The following DYSF variants were observed in gnomAD, a reference collection of about 807,000 sequenced individuals.
The protein encoded by DYSF is dysferlin.
In DYSF, 212 loss-of-function variants were observed where a neutral mutation model predicts 274.9. The observed-to-expected ratio is 0.77, with a 90% CI of 0.69 to 0.86. DYSF has a LOEUF of 0.86. DYSF is among the 40% of genes least tolerant of loss of function. The probability of loss-of-function intolerance (pLI) is 0.00; values close to 1 mark genes in which losing one functional copy is unlikely to be tolerated. For missense variants in DYSF, 2,666 were observed against 2,783.2 expected (o/e 0.96, Z 0.95); for synonymous variants, 1,091 against 1,078.7 (o/e 1.01, Z -0.22).
At chr2:71,628,930 C>G (rs886506534) in intron 41 of DYSF, among the ~76,000 whole-genome samples, 3 of 151,366 alleles carry the variant, frequency 2.0e-5, no homozygotes, top group Non-Finnish European at 4.4e-5. Context: ...CTAGCCTGGC[C>G]CACAGAGTGA....
chr2:71,547,796 T>A (rs1445254865), intron 17 of DYSF, among the ~76,000 whole-genome samples: 1 of 152,048 alleles, frequency 6.6e-6, no homozygotes, highest in Non-Finnish European at 1.5e-5. Context: ...CATCTGCATC[T>A]GGGCTGGACA....
At chr2:71,463,003 C>T (rs372334251), upstream of DYSF, among the ~76,000 whole-genome samples, 42 of 152,332 alleles carry the variant, frequency 2.8e-4, no homozygotes, top group South Asian at 8.3e-3. Context: ...CCCCAGGCTT[C>T]AGGCCATCCC....
chr2:71,659,605 T>C (rs2094840139), intron 44 of DYSF, among the ~76,000 whole-genome samples: 1 of 152,266 alleles, frequency 6.6e-6, no homozygotes, highest in African/African-American at 2.4e-5. Context: ...ACACTGATTT[T>C]AATTTTTAAA....
intron 42 of DYSF, among the ~76,000 whole-genome samples, chr2:71,653,284 A>G (rs1329351631): frequency 6.6e-6 from 1 of 152,188 alleles, no homozygotes; most frequent in Non-Finnish European, 1.5e-5. Flanking sequence ...TAGAAATACC[A>G]TTTGACCCAG....
At chr2:71,605,467 G>C (rs2093629256) in intron 36 of DYSF, among the ~76,000 whole-genome samples, 1 of 152,130 alleles carries the variant, frequency 6.6e-6, no homozygotes, top group African/African-American at 2.4e-5. Flanking sequence ...GGGCCCCCTA[G>C]GATACAGAAC....
intron 18 of DYSF, among the ~76,000 whole-genome samples, 169 bp from the exon 19 acceptor site, chr2:71,551,438 C>A (rs981821843): frequency 1.3e-5 from 2 of 152,190 alleles, no homozygotes; most frequent in Admixed American, 6.5e-5. Context: ...CTTGTCATAT[C>A]CCCCGAACTC....
At chr2:71,506,895 C>T (rs1479799865) in intron 4 of DYSF, among the ~76,000 whole-genome samples, 1 of 152,110 alleles carries the variant, frequency 6.6e-6, no homozygotes, top group Admixed American at 6.5e-5. Flanking sequence ...CTCTGATGGG[C>T]AGCTAGAAGA....
In DYSF at chr2:71,520,167, A is replaced by G. The variant is rs975482363; in HGVS notation, c.1003-11A>G. 4 of 1,613,904 alleles carry G rather than the reference A, an allele frequency of 2.5e-6. No individual in the cohort carries two copies. The highest frequency in any genetic ancestry group is 2.7e-5 in the African/African-American group (2 of 74,886). ...AAGAGTTTGATTTGTGTCTCCTCTC[A>G]TTGATTGCAGATGGACGTGGGCACC... is the stretch of plus-strand genomic sequence containing the variant. On this transcript the variant is annotated splice_polypyrimidine_tract_variant and intron_variant, in intron 10 of 55. Coordinates refer to ENST00000410020, the MANE Select transcript of DYSF (RefSeq NM_001130987.2).
At chr2:71,636,344 C>T (rs775069812) in intron 41 of DYSF, among the ~76,000 whole-genome samples, 1 of 152,110 alleles carries the variant, frequency 6.6e-6, no homozygotes, top group Non-Finnish European at 1.5e-5. Flanking sequence ...GAAACTGCTG[C>T]AGTCATCCCA....
chr2:71,679,296 GTCAGAAAATACGTCA>G (rs1163943399), intron 53 of DYSF, 61 bp downstream of exon 53: 215 of 1,540,286 alleles, frequency 1.4e-4, no homozygotes, highest in African/African-American at 4.4e-4. Context: ...CATAGAAATT[GTCAGAAAATACGTCA>G]TCAGAAAATA....
intron 14 of DYSF, among the ~76,000 whole-genome samples, chr2:71,534,603 A>C (rs2089109735): frequency 6.6e-6 from 1 of 152,106 alleles, no homozygotes; most frequent in African/African-American, 2.4e-5. Flanking sequence ...GTCTTCCTAC[A>C]TGGTGGATGA....
At chr2:71,555,854 A>T (rs1328353932) in intron 21 of DYSF, 111 bp from the exon 22 acceptor site, 1 of 854,308 alleles carries the variant, frequency 1.2e-6, no homozygotes, top group Non-Finnish European at 1.9e-6. Flanking sequence ...CTTTGCTCTA[A>T]CTGTTCACTC....
chr2:71,561,629 G>T (rs1026068942), intron 22 of DYSF, 123 bp from the exon 23 acceptor site: 44 of 1,140,936 alleles, frequency 3.9e-5, no homozygotes, highest in Non-Finnish European at 5.6e-5. Context: ...GCGGGCTGGA[G>T]AAGGCACCCA....
chr2:71,637,178 G>T (rs1253284059), intron 41 of DYSF, among the ~76,000 whole-genome samples: 1 of 152,202 alleles, frequency 6.6e-6, no homozygotes, highest in East Asian at 1.9e-4. Flanking sequence ...GTGGGGCACT[G>T]GTGCCTATGT....
intron 1 of DYSF, among the ~76,000 whole-genome samples, chr2:71,468,767 C>T (rs2081736640): frequency 6.6e-6 from 1 of 152,198 alleles, no homozygotes; most frequent in Non-Finnish European, 1.5e-5. Flanking sequence ...AGCAGCAGCA[C>T]CTTGCTAGGG....
intron 41 of DYSF, among the ~76,000 whole-genome samples, chr2:71,637,294 C>T (rs953868907): frequency 6.6e-6 from 1 of 152,032 alleles, no homozygotes; most frequent in African/African-American, 2.4e-5. Context: ...GAGGATGAGC[C>T]CCAGGCATGA....
intron 10 of DYSF, 139 bp downstream of exon 10, chr2:71,517,178 GC>G (rs2086747769): frequency 1.2e-6 from 1 of 848,296 alleles, no homozygotes; most frequent in Non-Finnish European, 1.9e-6. Flanking sequence ...ACAACGCCAA[GC>G]CCTCTGCACA....
At chr2:71,582,668 C>A (rs901669529) in intron 30 of DYSF, among the ~76,000 whole-genome samples, 2 of 152,124 alleles carry the variant, frequency 1.3e-5, no homozygotes, top group African/African-American at 4.8e-5. Flanking sequence ...CAGAACAAAA[C>A]AAAACAAAAC....
intron 24 of DYSF, among the ~76,000 whole-genome samples, chr2:71,567,035 T>G (rs1559174166): frequency 6.6e-6 from 1 of 152,228 alleles, no homozygotes; most frequent in Non-Finnish European, 1.5e-5. Context: ...CTCATGACAC[T>G]AGGCCTGGGT....
Sources: gnomAD v4.1 joint callset for allele counts (sites outside exome capture counted in the v4.1 genomes callset) on GRCh38, gnomAD v4.1.1 for gene constraint, MANE v1.5 for transcripts, NCBI Gene and HGNC (gene_info 2026-07-23, HGNC 2026-07-21) for gene names.